Variants in CALN1 observed in about 807,000 individuals in gnomAD.
The protein encoded by CALN1 is calcium-binding protein 8.
CALN1 carries 17 observed loss-of-function variants against 30.6 expected under a neutral mutation model. The ratio of observed to expected loss-of-function variants is 0.56; its 90% CI spans 0.38 to 0.83. The LOEUF is 0.83. CALN1 is among the 40% of genes least tolerant of loss of function. The pLI is 0.00. For missense variants in CALN1, 291 were observed against 354.9 expected, an observed-to-expected ratio of 0.82 and a Z score of 1.45; for synonymous variants, 156 against 131.4, an observed-to-expected ratio of 1.19 and a Z score of -1.28.
chr7:72,477,348 GC>G, the CALN1 span, among the ~76,000 whole-genome samples: 1 of 152,130 alleles, frequency 6.6e-6, no homozygotes, highest in Non-Finnish European at 1.5e-5. Context: ...GGCATGTGAG[GC>G]CCCAGTACAC....
At chr7:71,869,962 C>T (rs1325226041) in intron 5 of CALN1, among the ~76,000 whole-genome samples, 3 of 152,176 alleles carry the variant, frequency 2.0e-5, no homozygotes, top group African/African-American at 7.2e-5. Flanking sequence ...ACCAAGACAC[C>T]AACCCAGGTG....
intron 2 of CALN1, among the ~76,000 whole-genome samples, chr7:72,353,509 T>C (rs1254369849): frequency 6.6e-6 from 1 of 152,124 alleles, no homozygotes; most frequent in African/African-American, 2.4e-5. Flanking sequence ...TGAAGAGTGT[T>C]TGGCAAAATT....
intron 3 of CALN1, among the ~76,000 whole-genome samples, chr7:72,206,236 C>T (rs1321900427): frequency 6.6e-6 from 1 of 152,224 alleles, no homozygotes; most frequent in Non-Finnish European, 1.5e-5. Flanking sequence ...ATTTGAAATG[C>T]AGCATCTGTC....
intron 3 of CALN1, among the ~76,000 whole-genome samples, chr7:72,228,386 C>T (rs888740629): frequency 2.0e-5 from 3 of 151,702 alleles, no homozygotes; most frequent in East Asian, 3.8e-4. Context: ...AGCTCCTCAC[C>T]GGGTTTCTCT....
the CALN1 span, among the ~76,000 whole-genome samples, chr7:72,476,927 G>A: frequency 8.5e-5 from 13 of 152,192 alleles, no homozygotes; most frequent in South Asian, 1.0e-3. Context: ...GAAAAGGTGC[G>A]TCGCCAGGCG....
chr7:72,016,277 A>C (rs1488733192), intron 5 of CALN1, among the ~76,000 whole-genome samples: 2 of 150,374 alleles, frequency 1.3e-5, no homozygotes, highest in Non-Finnish European at 2.9e-5. Flanking sequence ...AGTCACTGTC[A>C]ATGATTGAAT....
At chr7:72,425,746 C>T (rs1222524154) in intron 1 of CALN1, among the ~76,000 whole-genome samples, 4 of 152,118 alleles carry the variant, frequency 2.6e-5, no homozygotes, top group Admixed American at 6.5e-5. Flanking sequence ...TAATAGATGA[C>T]GTTAAGGGGG....
chr7:71,929,905 G>A (rs554480190), intron 5 of CALN1, among the ~76,000 whole-genome samples: 3 of 152,170 alleles, frequency 2.0e-5, no homozygotes, highest in East Asian at 3.9e-4. Flanking sequence ...GCTGTCCCTC[G>A]GTATCTGTGG....
rs567639550 is a variant in CALN1 at position 71,947,054 on chromosome 7, AGGCT to A, written c.501+76599_501+76602del. ...GAGACAGAGTCTCGCTCTGCCACCT[AGGCT>A]GGAGTGAAGTGGCGTGATTTCGGCT... On this transcript the variant is annotated intron_variant, in intron 5 of 6. Coordinates refer to ENST00000395275, the MANE Select transcript of CALN1 (RefSeq NM_031468.4). 3.8e-4 allele frequency among the ~76,000 whole-genome samples: 58 copies of A among 152,198 alleles called. 1 individual carries two copies. In the South Asian group the frequency reaches 0.012, roughly 30 times the overall value.
rs770078886 is a variant in CALN1, at chr7:71,779,793, A to C, written c.*7982T>G. ...CATCAACTAATACTGAATGAGAGAA[A>C]ATGGGATGCTAATGAGGTAAATGGG... is the stretch of plus-strand genomic sequence containing the variant. On this transcript the variant is annotated 3_prime_UTR_variant, in exon 7 of 7. Transcript: ENST00000395275. The C allele has an allele frequency of 3.9e-5, 6 of 152,190 alleles. No individual in the cohort carries two copies. The highest frequency in any genetic ancestry group is 8.8e-5 in the Non-Finnish European group (6 of 68,032). 9.4% of individuals were successfully genotyped at this position (152,190 alleles called of 1,614,324 possible). A position where few individuals can be genotyped will look rare whatever the true frequency, so the allele number is the denominator to read the frequency against.
intron 5 of CALN1, among the ~76,000 whole-genome samples, chr7:71,926,858 A>G (rs898621750): frequency 1.3e-5 from 2 of 152,048 alleles, no homozygotes; most frequent in African/African-American, 4.8e-5. Context: ...ACTCTTTCTT[A>G]TAACTTCTGT....
chr7:72,231,291 C>T (rs1408784582), intron 3 of CALN1, among the ~76,000 whole-genome samples: 1 of 152,154 alleles, frequency 6.6e-6, no homozygotes, highest in Non-Finnish European at 1.5e-5. Context: ...CCCCAACGCC[C>T]CTGTCCAACA....
chr7:72,297,010 T>C (rs1293146592), intron 2 of CALN1, among the ~76,000 whole-genome samples: 2 of 152,126 alleles, frequency 1.3e-5, no homozygotes, highest in African/African-American at 4.8e-5. Flanking sequence ...TTCTTTTAAT[T>C]GTGATGTTAG....
chr7:72,370,567 C>T (rs1167731183), intron 2 of CALN1, among the ~76,000 whole-genome samples: 2 of 150,066 alleles, frequency 1.3e-5, no homozygotes, highest in African/African-American at 4.9e-5. Context: ...GGCAGGAGAA[C>T]GGTGTGAACC....
At chr7:72,359,188 T>G (rs1022107280) in intron 2 of CALN1, among the ~76,000 whole-genome samples, 1 of 152,184 alleles carries the variant, frequency 6.6e-6, no homozygotes, top group African/African-American at 2.4e-5. Flanking sequence ...CTAATTAGCA[T>G]AACGCTCTAT....
chr7:72,032,267 C>T (rs932415353), intron 4 of CALN1, among the ~76,000 whole-genome samples: 2 of 151,892 alleles, frequency 1.3e-5, no homozygotes, highest in Non-Finnish European at 2.9e-5. Context: ...ATCGTGGTCT[C>T]GATCTCCTGA....
chr7:72,478,401 A>T, the CALN1 span, among the ~76,000 whole-genome samples: 35 of 132,988 alleles, frequency 2.6e-4, no homozygotes, highest in African/African-American at 1.2e-3. Context: ...AAATATATAT[A>T]TATTTTTTCT....
At chr7:72,425,405 C>T (rs530367771) in intron 1 of CALN1, among the ~76,000 whole-genome samples, 21 of 152,200 alleles carry the variant, frequency 1.4e-4, no homozygotes, top group Non-Finnish European at 2.2e-4. Context: ...TGAGCCACCA[C>T]GCTCGGCCTC....
rs1160213069 is a variant in CALN1 at position 72,316,589 on chromosome 7, C to A, written c.120-37779G>T. ...GATTACGAGTGAATTTAATTTTCTT[C>A]TATTTGCTTATCTTTAAAAGTTTAA... On this transcript the variant is annotated intron_variant, in intron 2 of 6. Transcript: ENST00000395275. 3.3e-5 allele frequency among the ~76,000 whole-genome samples: 5 copies of A among 152,156 alleles called. No individual in the cohort carries two copies. In the East Asian group the frequency reaches 9.7e-4, roughly 29 times the overall value.
Sources: gnomAD v4.1 joint callset for allele counts (sites outside exome capture counted in the v4.1 genomes callset) on GRCh38, gnomAD v4.1.1 for gene constraint, MANE v1.5 for transcripts, NCBI Gene and HGNC (gene_info 2026-07-23, HGNC 2026-07-21) for gene names.